Variants in STK39 observed in about 807,000 individuals in gnomAD.
The protein encoded by STK39 is STE20/SPS1-related proline-alanine-rich protein kinase.
STK39 carries 20 observed loss-of-function variants against 77.8 expected under a neutral mutation model. The ratio of observed to expected loss-of-function variants is 0.26; its 90% CI spans 0.18 to 0.37. The LOEUF (loss-of-function observed/expected upper bound fraction) is 0.37, where lower values mean the gene tolerates loss of function less well. Among genes scored for constraint, STK39 ranks in the 10% least tolerant of loss-of-function variants. The probability of loss-of-function intolerance (pLI) is 1.00; values close to 1 mark genes in which losing one functional copy is unlikely to be tolerated. For missense variants in STK39, 479 were observed against 656.5 expected, an observed-to-expected ratio of 0.73 and a Z score of 2.95; for synonymous variants, 246 against 234.1, an observed-to-expected ratio of 1.05 and a Z score of -0.47.
chr2:167,990,470 G>A (rs952121298), intron 16 of STK39, among the ~76,000 whole-genome samples: 6 of 152,170 alleles, frequency 3.9e-5, no homozygotes, highest in African/African-American at 1.2e-4. Context: ...GGCTTATAAC[G>A]AGAAATGGTG....
intron 10 of STK39, among the ~76,000 whole-genome samples, chr2:168,077,057 T>G (rs1034407036): frequency 6.6e-6 from 1 of 152,198 alleles, no homozygotes; most frequent in Non-Finnish European, 1.5e-5. Context: ...TGTTAATGAC[T>G]ACATTGAAAA....
At chr2:168,134,872 C>T (rs1284636036) in intron 8 of STK39, among the ~76,000 whole-genome samples, 2 of 152,142 alleles carry the variant, frequency 1.3e-5, no homozygotes, top group African/African-American at 4.8e-5. Flanking sequence ...GGCTTTGGCA[C>T]CAGTAAACTT....
chr2:168,179,762 C>G (rs979170430), intron 2 of STK39, among the ~76,000 whole-genome samples: 1 of 152,106 alleles, frequency 6.6e-6, no homozygotes, highest in Non-Finnish European at 1.5e-5. Context: ...CTTACTGGTT[C>G]CAGGAAAACA....
At chr2:167,962,089 T>C (rs779731541) in intron 17 of STK39, among the ~76,000 whole-genome samples, 21 of 152,156 alleles carry the variant, frequency 1.4e-4, no homozygotes, top group Non-Finnish European at 2.2e-4. Flanking sequence ...AGAACCACAG[T>C]ATCATGACAC....
At chr2:168,018,569 A>AGAAAG (rs1240859192) in intron 14 of STK39, among the ~76,000 whole-genome samples, 2 of 143,428 alleles carry the variant, frequency 1.4e-5, no homozygotes, top group East Asian at 4.0e-4. Context: ...AAAGAAAGAA[A>AGAAAG]GAAAGAAAGA....
At chr2:168,158,991 T>G (rs1033075695) in intron 5 of STK39, among the ~76,000 whole-genome samples, 2 of 152,194 alleles carry the variant, frequency 1.3e-5, no homozygotes, top group Non-Finnish European at 2.9e-5. Flanking sequence ...AATCAGGCCC[T>G]TTAATCTTCT....
chr2:168,008,474 G>C (rs575471234), intron 16 of STK39, among the ~76,000 whole-genome samples: 1 of 152,220 alleles, frequency 6.6e-6, no homozygotes, highest in Non-Finnish European at 1.5e-5. Context: ...AGAAACACCA[G>C]GGGCTGGATT....
intron 1 of STK39, among the ~76,000 whole-genome samples, chr2:168,227,664 ATT>A (rs1690341656): frequency 1.3e-5 from 2 of 152,218 alleles, no homozygotes; most frequent in East Asian, 3.9e-4. Context: ...TTGTAAAACA[ATT>A]TTTCTTTTTT....
chr2:167,984,016 G>A (rs768203471), intron 16 of STK39, among the ~76,000 whole-genome samples: 6 of 152,130 alleles, frequency 3.9e-5, no homozygotes, highest in African/African-American at 9.7e-5. Context: ...GGAGGTGAGC[G>A]GGATGGCATG....
chr2:168,130,263 C>T (rs1687644767), intron 8 of STK39, among the ~76,000 whole-genome samples: 1 of 152,174 alleles, frequency 6.6e-6, no homozygotes, highest in African/African-American at 2.4e-5. Flanking sequence ...TGCTGTTTGC[C>T]AGGTGAAGGT....
intron 10 of STK39, among the ~76,000 whole-genome samples, chr2:168,103,723 G>A (rs954370897): frequency 7.9e-5 from 12 of 152,022 alleles, no homozygotes; most frequent in South Asian, 2.1e-4. Flanking sequence ...GGTTGGTACC[G>A]GAGGCTATGA....
intron 1 of STK39, among the ~76,000 whole-genome samples, chr2:168,190,223 C>A (rs1210326838): frequency 6.6e-6 from 1 of 152,182 alleles, no homozygotes; most frequent in Non-Finnish European, 1.5e-5. Context: ...CAGCCCATCA[C>A]TGGGGAAGAC....
At chr2:168,139,651 T>G (rs976696625) in intron 7 of STK39, among the ~76,000 whole-genome samples, 4 of 152,156 alleles carry the variant, frequency 2.6e-5, no homozygotes, top group African/African-American at 9.7e-5. Flanking sequence ...CCATACTCTA[T>G]GTAAAATAGC....
intron 14 of STK39, among the ~76,000 whole-genome samples, chr2:168,037,569 C>T (rs1354695848): frequency 6.6e-6 from 1 of 152,188 alleles, no homozygotes; most frequent in Non-Finnish European, 1.5e-5. Context: ...TAGGAAGACA[C>T]TTAAATAAAC....
At chr2:167,964,093 A>AC (rs1349347187) in intron 17 of STK39, among the ~76,000 whole-genome samples, 1 of 152,174 alleles carries the variant, frequency 6.6e-6, no homozygotes, top group East Asian at 1.9e-4. Flanking sequence ...GCCACCTAGT[A>AC]CTTAAGTTTA....
intron 16 of STK39, among the ~76,000 whole-genome samples, chr2:168,001,163 G>A (rs914932361): frequency 5.3e-5 from 8 of 151,140 alleles, no homozygotes; most frequent in Non-Finnish European, 1.0e-4. Flanking sequence ...GGGTTATGCA[G>A]TATAGTGGGT....
chr2:168,121,513 A>T (rs779569156), intron 10 of STK39, among the ~76,000 whole-genome samples: 2 of 152,200 alleles, frequency 1.3e-5, no homozygotes, highest in African/African-American at 4.8e-5. Flanking sequence ...AAAAGAAAAC[A>T]TGAAGACAGG....
intron 10 of STK39, among the ~76,000 whole-genome samples, chr2:168,100,544 G>T (rs1033835341): frequency 6.6e-6 from 1 of 152,154 alleles, no homozygotes; most frequent in Non-Finnish European, 1.5e-5. Flanking sequence ...GATTACAGGT[G>T]TGAGTCACCT....
intron 16 of STK39, among the ~76,000 whole-genome samples, chr2:168,011,178 G>C (rs1684261327): frequency 6.6e-6 from 1 of 152,028 alleles, no homozygotes. Context: ...TGCGTCTGTA[G>C]TCCCAAGCTA....
Sources: allele counts gnomAD v4.1 joint callset (sites outside exome capture counted in the v4.1 genomes callset), GRCh38; gene constraint gnomAD v4.1.1; transcripts MANE v1.5; gene names NCBI Gene and HGNC (gene_info 2026-07-23, HGNC 2026-07-21).